The following TTC7A variants were observed in gnomAD, a reference collection of about 807,000 sequenced individuals.
TTC7A encodes tetratricopeptide repeat protein 7A.
Under a neutral mutation model 103.7 loss-of-function variants are expected in TTC7A, and 110 were observed. The ratio of observed to expected loss-of-function variants is 1.06; its 90% CI spans 0.91 to 1.24. The LOEUF is 1.24. Among genes scored for constraint, TTC7A ranks in the 50% most tolerant of loss-of-function variants. TTC7A has a pLI of 0.00. For missense variants in TTC7A, 1,340 were observed against 1,116.3 expected, an observed-to-expected ratio of 1.20 and a Z score of -2.86; for synonymous variants, 521 against 467.9, an observed-to-expected ratio of 1.11 and a Z score of -1.47.
chr2:47,032,469 C>A (rs1410318453), intron 15 of TTC7A, among the ~76,000 whole-genome samples: 2 of 152,198 alleles, frequency 1.3e-5, no homozygotes, highest in African/African-American at 4.8e-5. Flanking sequence ...AGAGCGACTG[C>A]AAGGGCTTCA....
intron 4 of TTC7A, 75 bp from the exon 5 acceptor site, chr2:46,978,717 G>A: frequency 8.4e-7 from 1 of 1,183,614 alleles, no homozygotes; most frequent in Non-Finnish European, 1.3e-6. Context: ...TGGTGATGAG[G>A]CCACCTCCTC....
intron 19 of TTC7A, among the ~76,000 whole-genome samples, chr2:47,066,756 A>G (rs896637650): frequency 4.6e-5 from 7 of 152,316 alleles, no homozygotes; most frequent in Admixed American, 2.0e-4. Context: ...AGGTCTCACT[A>G]TGTTGCCCAG....
At chr2:47,015,320 G>A (rs887103012) in intron 11 of TTC7A, among the ~76,000 whole-genome samples, 1 of 152,222 alleles carries the variant, frequency 6.6e-6, no homozygotes, top group African/African-American at 2.4e-5. Context: ...AGGCAAAGAG[G>A]AAAGGCTATG....
At chr2:47,062,490 C>T (rs1683871079) in intron 19 of TTC7A, among the ~76,000 whole-genome samples, 1 of 152,216 alleles carries the variant, frequency 6.6e-6, no homozygotes, top group African/African-American at 2.4e-5. Context: ...TCCTTCCTCC[C>T]TCAATTTAGA....
intron 2 of TTC7A, among the ~76,000 whole-genome samples, chr2:46,955,797 A>G (rs1004815385): frequency 1.3e-5 from 2 of 152,164 alleles, no homozygotes; most frequent in African/African-American, 2.4e-5. Flanking sequence ...CAGGGGTAGC[A>G]CCTTCCTGCC....
At chr2:46,948,597 G>A (rs1359743844) in intron 1 of TTC7A, among the ~76,000 whole-genome samples, 1 of 152,082 alleles carries the variant, frequency 6.6e-6, no homozygotes, top group Non-Finnish European at 1.5e-5. Flanking sequence ...TCTCCCTTAC[G>A]GTGAGAGATT....
At chr2:46,991,338 T>C (rs964665671) in intron 5 of TTC7A, among the ~76,000 whole-genome samples, 2 of 152,038 alleles carry the variant, frequency 1.3e-5, no homozygotes, top group Non-Finnish European at 2.9e-5. Context: ...CTTGTCTGAA[T>C]TATCATTTCT....
chr2:47,036,686 G>A (rs72808509), intron 15 of TTC7A, among the ~76,000 whole-genome samples: 3 of 152,250 alleles, frequency 2.0e-5, no homozygotes, highest in South Asian at 4.1e-4. Context: ...GCAAGACCTC[G>A]TCTGTACAAA....
intron 3 of TTC7A, among the ~76,000 whole-genome samples, chr2:46,971,278 A>G (rs990247860): frequency 6.6e-5 from 10 of 152,236 alleles, no homozygotes; most frequent in Non-Finnish European, 1.3e-4. Flanking sequence ...ACCAGGGAAT[A>G]TCGGGAAGGG....
chr2:46,947,760 A>G (rs572822005), intron 1 of TTC7A, among the ~76,000 whole-genome samples: 1 of 152,380 alleles, frequency 6.6e-6, no homozygotes, highest in East Asian at 1.9e-4. Flanking sequence ...ATAAAGTACA[A>G]TAAAAATGAA....
intron 2 of TTC7A, among the ~76,000 whole-genome samples, chr2:46,924,633 T>C (rs1165033009): frequency 6.6e-6 from 1 of 152,164 alleles, no homozygotes; most frequent in Admixed American, 6.6e-5. Context: ...TTTCTTTTTT[T>C]TTTTTCCCCT....
intron 15 of TTC7A, among the ~76,000 whole-genome samples, chr2:47,035,925 A>C (rs775808133): frequency 1.3e-5 from 2 of 152,210 alleles, no homozygotes; most frequent in Admixed American, 1.3e-4. Context: ...AGAGAGACCA[A>C]GGCAATTGCT....
intron 5 of TTC7A, among the ~76,000 whole-genome samples, chr2:46,989,970 A>T (rs1675450447): frequency 6.6e-6 from 1 of 152,248 alleles, no homozygotes; most frequent in Non-Finnish European, 1.5e-5. Flanking sequence ...ATGCAGAGAG[A>T]GGACAGTCCT....
chr2:47,066,322 C>T (rs1234319488), intron 19 of TTC7A, among the ~76,000 whole-genome samples: 1 of 152,168 alleles, frequency 6.6e-6, no homozygotes, highest in African/African-American at 2.4e-5. Flanking sequence ...TCACCCCAGG[C>T]TGTGGCATGA....
intron 1 of TTC7A, among the ~76,000 whole-genome samples, chr2:46,945,508 G>C (rs1426832750): frequency 6.6e-6 from 1 of 152,138 alleles, no homozygotes; most frequent in East Asian, 1.9e-4. Context: ...TCGGCCTCCC[G>C]AAGTGCTGGG....
In TTC7A at chr2:47,051,876, G is replaced by A. The variant is rs1432057686; in HGVS notation, c.2148G>A (p.Gln716=). ...LWTTLEQIWL[Q]AAELFMEQQH... ...CCACGCTGGAACAGATCTGGCTGCA[G>A]GCTGGTGAGTGCCCTGGTCCCAGTG... Residue 716 remains glutamine (Q), a synonymous_variant, in exon 18 of 20, where the codon CAG becomes CAA. Transcript: ENST00000319190. 1.2e-6 allele frequency: 2 copies of A among 1,608,718 alleles called. No homozygotes were observed. The highest frequency in any genetic ancestry group is 1.1e-5 in the South Asian group (1 of 90,526).
chr2:47,014,299 C>A (rs372819783), intron 11 of TTC7A, among the ~76,000 whole-genome samples: 1 of 152,156 alleles, frequency 6.6e-6, no homozygotes, highest in African/African-American at 2.4e-5. Context: ...CCCAACCTGC[C>A]AGGAAGGGAC....
chr2:47,073,682 G>A lies in TTC7A; in HGVS notation c.2356-20G>A. The stretch of plus-strand genomic sequence containing the variant: ...GCCATGGGACACCCCTACTCACCCT[G>A]CCCTGTGCTTCGTCCACAGGGTCTG... On this transcript the variant is annotated intron_variant, in intron 19 of 19. Transcript: ENST00000319190. The A allele has an allele frequency of 6.2e-7, 1 of 1,610,658 alleles. No individual in the cohort carries two copies. The highest frequency in any genetic ancestry group is 1.1e-5 in the South Asian group (1 of 90,936).
rs554545501 is a variant in TTC7A, at chr2:46,998,865, C to G, written c.1065+3666C>G. Among the ~76,000 whole-genome samples, 5 of 152,230 alleles carry G rather than the reference C, an allele frequency of 3.3e-5. No individual in the cohort carries two copies. In the South Asian group the frequency reaches 1.0e-3, roughly 32 times the overall value. ...TGCGATCAGAATGAATGAGGGAGAC[C>G]TTGTCTTTCAAGAGGTAAATAGAAA... On this transcript the variant is annotated intron_variant, in intron 8 of 19. Transcript: ENST00000319190.
Sources: allele counts gnomAD v4.1 joint callset (sites outside exome capture counted in the v4.1 genomes callset), GRCh38; gene constraint gnomAD v4.1.1; transcripts MANE v1.5; gene names NCBI Gene and HGNC (gene_info 2026-07-23, HGNC 2026-07-21).